The following NT5DC3 variants were observed in gnomAD, a reference collection of about 807,000 sequenced individuals.
NT5DC3 encodes the protein 5'-nucleotidase domain-containing protein 3.
Under a neutral mutation model 67.8 loss-of-function variants are expected in NT5DC3, and 42 were observed. The ratio of observed to expected loss-of-function variants is 0.62; its 90% CI spans 0.48 to 0.80. NT5DC3 has a LOEUF of 0.80. Among genes scored for constraint, NT5DC3 ranks in the 30% least tolerant of loss-of-function variants. NT5DC3 has a pLI of 0.00. For missense variants in NT5DC3, 570 were observed against 696.4 expected (o/e 0.82, Z 2.04); for synonymous variants, 237 against 255.6 (o/e 0.93, Z 0.69).
intron 2 of NT5DC3, among the ~76,000 whole-genome samples, chr12:103,812,573 T>C (rs1271981514): frequency 6.6e-6 from 1 of 152,216 alleles, no homozygotes; most frequent in East Asian, 1.9e-4. Context: ...TTTATTTTCA[T>C]GAATATTTTA....
At chr12:103,778,171 A>T (rs200236248) in intron 13 of NT5DC3, 90 bp from the exon 14 acceptor site, 16,980 of 882,452 alleles carry the variant, frequency 0.019, 391 homozygotes, top group East Asian at 0.16. Flanking sequence ...TTCTTTTTTT[A>T]AAAAAAAAAA....
At chr12:103,798,437 TCTGGGGGTGTCCC>T (rs1398810967) in intron 5 of NT5DC3, 137 bp downstream of exon 5, 2 of 616,380 alleles carry the variant, frequency 3.2e-6, no homozygotes, top group Admixed American at 2.9e-5. Context: ...CATGAAAGAA[TCTGGGGGTGTCCC>T]CTTCAAACGC....
chr12:103,813,784 A>T (rs1887133239), intron 2 of NT5DC3, among the ~76,000 whole-genome samples: 1 of 152,246 alleles, frequency 6.6e-6, no homozygotes, highest in African/African-American at 2.4e-5. Context: ...AGAGCTAAGA[A>T]CAATCAACTT....
intron 1 of NT5DC3, 115 bp downstream of exon 1, chr12:103,840,834 A>C: frequency 2.2e-6 from 1 of 449,202 alleles, no homozygotes; most frequent in Non-Finnish European, 3.6e-6. Flanking sequence ...GGGGTTCGCG[A>C]CTGGAGGCCC....
At chr12:103,762,749 C>T in the NT5DC3 span, among the ~76,000 whole-genome samples, 7 of 152,208 alleles carry the variant, frequency 4.6e-5, no homozygotes, top group African/African-American at 1.7e-4. Flanking sequence ...AAGCACACCC[C>T]ATGACCTAGC....
chr12:103,766,540 C>T (rs963963286), downstream of NT5DC3: 2 of 573,954 alleles, frequency 3.5e-6, no homozygotes, highest in Non-Finnish European at 6.1e-6. Flanking sequence ...TCCTCTGACC[C>T]TTTGGCTCTT....
intron 9 of NT5DC3, among the ~76,000 whole-genome samples, chr12:103,789,515 G>T (rs901947633): frequency 6.6e-5 from 10 of 152,146 alleles, no homozygotes; most frequent in Non-Finnish European, 1.2e-4. Flanking sequence ...CTCTTAAAAA[G>T]CTATTGATGG....
At chr12:103,804,049 C>G (rs1324930026) in intron 4 of NT5DC3, among the ~76,000 whole-genome samples, 1 of 152,040 alleles carries the variant, frequency 6.6e-6, no homozygotes, top group Non-Finnish European at 1.5e-5. Flanking sequence ...ATAATAGTAC[C>G]TACTTCATAT....
chr12:103,815,729 A>T (rs981439029), intron 1 of NT5DC3, among the ~76,000 whole-genome samples: 3 of 152,128 alleles, frequency 2.0e-5, no homozygotes, highest in Admixed American at 1.3e-4. Flanking sequence ...GCCAATGGTG[A>T]TGGTTGAACA....
intron 1 of NT5DC3, among the ~76,000 whole-genome samples, chr12:103,822,875 T>C (rs1431097064): frequency 1.3e-5 from 2 of 152,210 alleles, no homozygotes; most frequent in African/African-American, 2.4e-5. Context: ...TATGCAAACA[T>C]TTTGTTGCAT....
downstream of NT5DC3, among the ~76,000 whole-genome samples, chr12:103,768,640 A>G (rs1214104885): frequency 9.4e-6 from 1 of 106,802 alleles, no homozygotes; most frequent in African/African-American, 3.8e-5. Flanking sequence ...GGAGTGAGAG[A>G]GAGAGAGAGA....
chr12:103,815,513 T>C (rs996486669), intron 1 of NT5DC3, among the ~76,000 whole-genome samples: 3 of 152,128 alleles, frequency 2.0e-5, no homozygotes, highest in Non-Finnish European at 4.4e-5. Context: ...CCTCAATCTC[T>C]AGGGCTCAAG....
At chr12:103,767,156 A>G (rs1349164525), downstream of NT5DC3, among the ~76,000 whole-genome samples, 1 of 152,252 alleles carries the variant, frequency 6.6e-6, no homozygotes, top group Non-Finnish European at 1.5e-5. Flanking sequence ...CATTATTCAT[A>G]AAAGCCAAAA....
At chr12:103,786,699 T>TTTTTTTTTTTTA (rs1885794388) in intron 11 of NT5DC3, among the ~76,000 whole-genome samples, 1 of 151,284 alleles carries the variant, frequency 6.6e-6, no homozygotes, top group African/African-American at 2.4e-5. Flanking sequence ...TTTTTTTTTT[T>TTTTTTTTTTTTA]TGAGGCAGGG....
chr12:103,778,949 A>G (rs1290882371), intron 13 of NT5DC3, among the ~76,000 whole-genome samples: 1 of 152,168 alleles, frequency 6.6e-6, no homozygotes, highest in Non-Finnish European at 1.5e-5. Context: ...TCCCAAACCT[A>G]AACACAGGAT....
the NT5DC3 span, chr12:103,748,875 A>C: frequency 7.1e-7 from 1 of 1,401,448 alleles, no homozygotes; most frequent in South Asian, 1.4e-5. Context: ...ACCCAACACC[A>C]CTAGTGCTGT....
At chr12:103,758,201 G>A in the NT5DC3 span, 74 of 1,613,950 alleles carry the variant, frequency 4.6e-5, no homozygotes, top group Non-Finnish European at 6.1e-5. Context: ...AGCTCAGCTC[G>A]AGGCCGTGCA....
the NT5DC3 span, chr12:103,755,719 G>A: frequency 6.2e-7 from 1 of 1,614,018 alleles, no homozygotes; most frequent in Non-Finnish European, 8.5e-7. Context: ...CTTCCTGACG[G>A]TATGTACCAT....
the NT5DC3 span, among the ~76,000 whole-genome samples, chr12:103,758,685 G>GA: frequency 2.0e-5 from 3 of 152,218 alleles, no homozygotes; most frequent in African/African-American, 7.2e-5. Flanking sequence ...AGCATGGGGG[G>GA]CAAAGGGCCA....
Sources: gnomAD v4.1 joint callset for allele counts (sites outside exome capture counted in the v4.1 genomes callset) on GRCh38, gnomAD v4.1.1 for gene constraint, MANE v1.5 for transcripts, NCBI Gene and HGNC (gene_info 2026-07-23, HGNC 2026-07-21) for gene names.